Variants in TMCO4 observed in about 807,000 individuals in gnomAD.
TMCO4 encodes the protein transmembrane and coiled-coil domains 4.
Under a neutral mutation model 64.7 loss-of-function variants are expected in TMCO4, and 58 were observed. That is an observed-to-expected ratio of 0.90 (90% CI 0.73 to 1.12). The LOEUF is 1.12. Among genes scored for constraint, TMCO4 ranks in the 50% most tolerant of loss-of-function variants. The pLI, the probability that TMCO4 is intolerant of heterozygous loss-of-function variation, is 0.00. For missense variants in TMCO4, 780 were observed against 825.9 expected, an observed-to-expected ratio of 0.94 and a Z score of 0.68; for synonymous variants, 325 against 346.1, an observed-to-expected ratio of 0.94 and a Z score of 0.68.
chr1:19,691,090 G>A (rs535511598), intron 15 of TMCO4, among the ~76,000 whole-genome samples: 9 of 152,106 alleles, frequency 5.9e-5, no homozygotes, highest in African/African-American at 2.2e-4. Context: ...GGATGGTCTC[G>A]ATCTCCTGAC....
intron 6 of TMCO4, 120 bp from the exon 7 acceptor site, chr1:19,755,886 C>A: frequency 2.6e-6 from 3 of 1,144,366 alleles, no homozygotes; most frequent in Non-Finnish European, 2.5e-6. Context: ...CCCATGGGAG[C>A]CAGTCAATGA....
intron 4 of TMCO4, among the ~76,000 whole-genome samples, chr1:19,777,721 C>T (rs2043273244): frequency 6.6e-6 from 1 of 152,202 alleles, no homozygotes; most frequent in African/African-American, 2.4e-5. Context: ...AACAAATCTC[C>T]TGTTGTTTAA....
At chr1:19,709,090 C>G (rs898095488) in intron 13 of TMCO4, among the ~76,000 whole-genome samples, 9 of 152,228 alleles carry the variant, frequency 5.9e-5, no homozygotes, top group Non-Finnish European at 1.3e-4. Flanking sequence ...GAAAGGGCGG[C>G]TTTGACTGTA....
At chr1:19,787,428 G>A (rs964887237) in intron 2 of TMCO4, among the ~76,000 whole-genome samples, 1 of 152,240 alleles carries the variant, frequency 6.6e-6, no homozygotes, top group African/African-American at 2.4e-5. Context: ...ACTGCATCCA[G>A]TTCCTCAGCG....
intron 4 of TMCO4, among the ~76,000 whole-genome samples, chr1:19,773,246 G>A (rs796315778): frequency 2.0e-5 from 3 of 152,212 alleles, no homozygotes; most frequent in African/African-American, 7.2e-5. Context: ...TGTTACGGTC[G>A]GGTTCCTGGG....
intron 14 of TMCO4, among the ~76,000 whole-genome samples, chr1:19,696,816 C>T (rs574043613): frequency 6.6e-6 from 1 of 152,254 alleles, no homozygotes; most frequent in South Asian, 2.1e-4. Flanking sequence ...TATTTATACA[C>T]ATGTAGGGGC....
At chr1:19,774,481 T>C (rs1334337337) in intron 4 of TMCO4, among the ~76,000 whole-genome samples, 2 of 152,248 alleles carry the variant, frequency 1.3e-5, no homozygotes. Context: ...GTATTTGTCA[T>C]GTGCTTAGAA....
intron 15 of TMCO4, among the ~76,000 whole-genome samples, chr1:19,692,080 C>A (rs992268107): frequency 6.6e-6 from 1 of 152,164 alleles, no homozygotes; most frequent in Admixed American, 6.5e-5. Context: ...ATGTCTTTAT[C>A]AGCAGCGTGA....
intron 2 of TMCO4, among the ~76,000 whole-genome samples, chr1:19,789,709 G>C (rs532045419): frequency 6.6e-6 from 1 of 152,088 alleles, no homozygotes; most frequent in Non-Finnish European, 1.5e-5. Flanking sequence ...CAAGCCAGTG[G>C]GGATGAGTTC....
chr1:19,765,364 A>G (rs1428523868), intron 6 of TMCO4, among the ~76,000 whole-genome samples: 1 of 152,210 alleles, frequency 6.6e-6, no homozygotes, highest in Non-Finnish European at 1.5e-5. Flanking sequence ...AGAAGAACTT[A>G]GGAAGATTAC....
Position 19,694,530 on chromosome 1 carries a change from G to GA in TMCO4, c.1403dup (p.Val469ArgfsTer124). ...GCTGCACCGAGGATGTGCGGTACAC[G>GA]AAACTCAGCAGCCAGTCTCCCCTGT... On this transcript the variant is annotated frameshift_variant, in exon 15 of 16. Transcript: ENST00000294543. LOFTEE classifies it high-confidence loss of function. 1 of 1,614,026 alleles carries GA rather than the reference G, an allele frequency of 6.2e-7. No homozygotes were observed. The highest frequency in any genetic ancestry group is 8.5e-7 in the Non-Finnish European group (1 of 1,179,938).
At chr1:19,783,814 G>T (rs1421199272) in intron 3 of TMCO4, among the ~76,000 whole-genome samples, 1 of 152,134 alleles carries the variant, frequency 6.6e-6, no homozygotes. Context: ...ATGGAGAAAC[G>T]GAGGCCCAGA....
chr1:19,778,671 G>A (rs2043321431), intron 4 of TMCO4, among the ~76,000 whole-genome samples: 1 of 152,198 alleles, frequency 6.6e-6, no homozygotes, highest in African/African-American at 2.4e-5. Context: ...AACTGCTCGA[G>A]GTCACATGAG....
In TMCO4 at chr1:19,683,384, G is replaced by A. The variant is rs766346118; in HGVS notation, c.1561C>T (p.Arg521Cys). 68 of 1,613,614 alleles carry A rather than the reference G, an allele frequency of 4.2e-5. 1 individual carries two copies. Among genetic ancestry groups the A allele is most frequent in the East Asian group, 2.2e-4 (10 of 44,900 alleles). The change falls in exon 16 of 16, where the codon CGC becomes TGC. Residue 521 changes from arginine to cysteine, a missense_variant. By Grantham distance (180) the Arg-to-Cys change is radical. Transcript: ENST00000294543. ...TTCTCGTCCCAGCCTGGCTTGGTGC[G>A]GATGCCCACGGCCTTCAGGATGGCA... is the stretch of plus-strand genomic sequence containing the variant. ...MDAILKAVGI[R>C]TKPGWDEKGL...
intron 2 of TMCO4, among the ~76,000 whole-genome samples, chr1:19,787,328 C>T (rs1460956760): frequency 6.6e-6 from 1 of 152,240 alleles, no homozygotes; most frequent in African/African-American, 2.4e-5. Flanking sequence ...CTGCTGAGCA[C>T]TCACCATGTG....
At chr1:19,684,769 C>T (rs566080434) in intron 15 of TMCO4, among the ~76,000 whole-genome samples, 8 of 152,216 alleles carry the variant, frequency 5.3e-5, no homozygotes, top group African/African-American at 1.9e-4. Flanking sequence ...TGAGTTGAAG[C>T]GGTAGTGTGA....
At chr1:19,785,517 G>T (rs1049659352) in intron 3 of TMCO4, among the ~76,000 whole-genome samples, 2 of 152,246 alleles carry the variant, frequency 1.3e-5, no homozygotes, top group African/African-American at 4.8e-5. Context: ...GATGAATGAA[G>T]AAGGGGCTAG....
chr1:19,760,417 T>TTTTTC (rs919119263), intron 6 of TMCO4, among the ~76,000 whole-genome samples: 18 of 152,286 alleles, frequency 1.2e-4, no homozygotes, highest in Non-Finnish European at 2.5e-4. Context: ...TCTCCGTATC[T>TTTTTC]TTTTCTTTTC....
intron 6 of TMCO4, among the ~76,000 whole-genome samples, chr1:19,769,252 C>T (rs981304479): frequency 1.3e-5 from 2 of 152,218 alleles, no homozygotes; most frequent in African/African-American, 2.4e-5. Flanking sequence ...CCTCTCCCTT[C>T]TACTCTCTGT....
Sources: allele counts gnomAD v4.1 joint callset (sites outside exome capture counted in the v4.1 genomes callset), GRCh38; gene constraint gnomAD v4.1.1; transcripts MANE v1.5; gene names NCBI Gene and HGNC (gene_info 2026-07-23, HGNC 2026-07-21).